The following LTF variants were observed in gnomAD, a reference collection of about 807,000 sequenced individuals.
The protein encoded by LTF is lactotransferrin, also known as epididymis luminal protein 110.
Under a neutral mutation model 87.2 loss-of-function variants are expected in LTF, and 91 were observed. The observed-to-expected ratio is 1.04, with a 90% CI of 0.88 to 1.24. LTF has a LOEUF of 1.24. Among genes scored for constraint, LTF ranks in the 50% most tolerant of loss-of-function variants. LTF has a pLI of 0.00. For synonymous variants in LTF, 378 were observed against 356.1 expected (o/e 1.06, Z -0.69); for missense variants, 901 against 904.3 (o/e 1.00, Z 0.05).
rs200628240 is a variant in LTF at position 46,450,672 on chromosome 3, C to A, written c.705G>T (p.Glu235Asp). 1.9e-4 allele frequency: 298 copies of A among 1,608,114 alleles called. No homozygotes were observed. Among genetic ancestry groups the A allele is most frequent in the Non-Finnish European group, 2.0e-4 (231 of 1,174,968 alleles). ...CCCTTTCAGCCTCGTCTGACAGGTC[C>A]TCTGCAGGGAAGGTGAGGTGGGAGG... ...VAFIRESTVF[E>D]DLSDEAERDE... is the part of the protein sequence containing the mutation. Residue 235 changes from glutamate (E) to aspartate (D), a missense_variant and splice_region_variant, in exon 7 of 17, where the codon GAG (glutamate) becomes GAT (aspartate). Physicochemically the swap from Glu to Asp is conservative, Grantham distance 45 (BLOSUM62 2). Coordinates refer to ENST00000231751, the MANE Select transcript of LTF (RefSeq NM_002343.6).
chr3:46,464,717 G>T (rs558916476), intron 1 of LTF, 108 bp downstream of exon 1: 2 of 1,232,302 alleles, frequency 1.6e-6, no homozygotes, highest in Non-Finnish European at 1.2e-6. Flanking sequence ...ACCGCGGGGC[G>T]CAGAGACCCC....
Position 46,435,879 on chromosome 3 carries a change from C to T in LTF, c.*316G>A. 5.0e-6 allele frequency: 2 copies of T among 400,746 alleles called. No individual in the cohort carries two copies. Among genetic ancestry groups the T allele is most frequent in the Non-Finnish European group, 9.2e-6 (2 of 216,658 alleles). 24.8% of individuals were successfully genotyped at this position (400,746 alleles called of 1,614,324 possible). On this transcript the variant is annotated 3_prime_UTR_variant, in exon 17 of 17. Coordinates refer to ENST00000231751, the MANE Select transcript of LTF (RefSeq NM_002343.6). ...AAATTCCAGACCCTTGGGCATCATA[C>T]CCAAGACTGCAAGAAAGAGGAGGGG...
intron 1 of LTF, among the ~76,000 whole-genome samples, chr3:46,483,303 C>T (rs561562110): frequency 4.6e-5 from 7 of 152,336 alleles, no homozygotes; most frequent in Admixed American, 3.3e-4. Context: ...CCTAGGTGTA[C>T]GCCCAGCAGA....
At chr3:46,473,912 A>G (rs1324266456) in intron 1 of LTF, among the ~76,000 whole-genome samples, 2 of 152,256 alleles carry the variant, frequency 1.3e-5, no homozygotes, top group Non-Finnish European at 2.9e-5. Flanking sequence ...GTGATAAATC[A>G]TGTGTGTACT....
At chr3:46,454,214 G>T in intron 6 of LTF, 91 bp downstream of exon 6, 1 of 1,113,544 alleles carries the variant, frequency 9.0e-7, no homozygotes, top group South Asian at 1.2e-5. Flanking sequence ...GGTCTGCCAT[G>T]AACTTAGGAA....
intron 6 of LTF, among the ~76,000 whole-genome samples, chr3:46,452,412 A>G (rs1702824472): frequency 6.6e-6 from 1 of 152,244 alleles, no homozygotes; most frequent in Non-Finnish European, 1.5e-5. Flanking sequence ...GGACAACTTA[A>G]TGTTATAAAT....
At chr3:46,482,803 GA>G (rs1703467776) in intron 1 of LTF, among the ~76,000 whole-genome samples, 2 of 47,644 alleles carry the variant, frequency 4.2e-5, no homozygotes, top group Non-Finnish European at 1.0e-4. Context: ...AAGAAGGAAG[GA>G]AAGAAAGAAA....
At chr3:46,437,269 G>A (rs1244384125) in intron 16 of LTF, among the ~76,000 whole-genome samples, 1 of 150,610 alleles carries the variant, frequency 6.6e-6, no homozygotes, top group Non-Finnish European at 1.5e-5. Flanking sequence ...GAATTTTTTT[G>A]AGATTTTGTT....
At chr3:46,452,183 G>A (rs1257336597) in intron 6 of LTF, among the ~76,000 whole-genome samples, 1 of 152,140 alleles carries the variant, frequency 6.6e-6, no homozygotes, top group Admixed American at 6.5e-5. Context: ...CAAGTTATAA[G>A]AGCAACCTAC....
In LTF at chr3:46,463,723, C is replaced by T. The variant is rs775631976; in HGVS notation, c.43+1102G>A. The T allele has an allele frequency of 6.6e-6, 6 of 909,088 alleles. No individual in the cohort carries two copies. In the East Asian group the frequency reaches 3.5e-4, roughly 53 times the overall value. The allele number at this position is 909,088 out of a possible 1,614,324, so 56.3% of individuals were successfully genotyped here. ...GCAAGGCTTCCTTCCTCTCCTGCCC[C>T]TCCCAGGTGGCCCTAACCCTGTGCA... On this transcript the variant is annotated intron_variant, in intron 1 of 16. Coordinates refer to ENST00000231751, the MANE Select transcript of LTF (RefSeq NM_002343.6).
At position 46,449,971 on chromosome 3, in the gene LTF, G is replaced by T. The variant is rs748669999; in HGVS notation, c.940C>A (p.Gln314Lys). The change falls in exon 8 of 17, where the codon CAG becomes AAG. Residue 314 changes from glutamine to lysine, a missense_variant. Physicochemically the swap from Gln to Lys is moderately conservative, Grantham distance 53. Coordinates refer to ENST00000231751, the MANE Select transcript of LTF (RefSeq NM_002343.6). The stretch of plus-strand genomic sequence containing the variant: ...GAGTCCTTGAACAGCAGATCTTTCT[G>T]CCCACTAGGGGAGCCAAAGAGCTGG... Reference protein sequence around the residue: ...KFQLFGSPSGQKDLLFKDSAI... With the variant: ...KFQLFGSPSGKKDLLFKDSAI... The T allele has an allele frequency of 5.6e-6, 9 of 1,613,982 alleles. No individual in the cohort carries two copies. The highest frequency in any genetic ancestry group is 7.6e-6 in the Non-Finnish European group (9 of 1,179,944).
intron 13 of LTF, 159 bp from the exon 14 acceptor site, chr3:46,441,642 A>G (rs1456562196): frequency 3.3e-6 from 2 of 605,950 alleles, no homozygotes; most frequent in Non-Finnish European, 5.9e-6. Flanking sequence ...CAGATTGAAC[A>G]CAGGTGTACC....
Position 46,436,123 on chromosome 3 carries a change from C to T in LTF, c.*72G>A. 1 of 1,480,408 alleles carries T rather than the reference C, an allele frequency of 6.8e-7. No homozygotes were observed. The highest frequency in any genetic ancestry group is 1.8e-4 in the Middle Eastern group (1 of 5,578). The allele number at this position is 1,480,408 out of a possible 1,614,324, so 91.7% of individuals were successfully genotyped here. A position where few individuals can be genotyped will look rare whatever the true frequency, so the allele number is the denominator to read the frequency against. ...AGCAGGGGAGGCCAAGGCCCCAACA[C>T]ACCTGGGGAGAAGAGCTGGGGGCAG... On this transcript the variant is annotated 3_prime_UTR_variant, in exon 17 of 17. Transcript: ENST00000231751.
chr3:46,482,490 G>T (rs1703445655), intron 1 of LTF, among the ~76,000 whole-genome samples: 1 of 2,104 alleles, frequency 4.8e-4, no homozygotes, highest in Non-Finnish European at 1.1e-3. Context: ...AGAAGGAAGG[G>T]AAGGGAAGGG....
intron 1 of LTF, among the ~76,000 whole-genome samples, chr3:46,473,911 C>T (rs1703324829): frequency 6.6e-6 from 1 of 152,196 alleles, no homozygotes; most frequent in African/African-American, 2.4e-5. Context: ...TGTGATAAAT[C>T]ATGTGTGTAC....
At chr3:46,450,744 C>T in intron 6 of LTF, 71 bp from the exon 7 acceptor site, 3 of 1,301,556 alleles carry the variant, frequency 2.3e-6, no homozygotes, top group South Asian at 2.6e-5. Flanking sequence ...CTATAGTTCC[C>T]CTTCTCCCTA....
At chr3:46,446,914 G>T (rs1334319375) in intron 10 of LTF, among the ~76,000 whole-genome samples, 1 of 152,220 alleles carries the variant, frequency 6.6e-6, no homozygotes, top group Non-Finnish European at 1.5e-5. Context: ...AGCCAGGAGA[G>T]AGGCTTCCCT....
intron 1 of LTF, among the ~76,000 whole-genome samples, chr3:46,472,107 C>G (rs1370271919): frequency 6.6e-6 from 1 of 152,148 alleles, no homozygotes; most frequent in Non-Finnish European, 1.5e-5. Flanking sequence ...TTCTCCCTCC[C>G]AGCTCTAGAT....
At chr3:46,447,894 C>T (rs191346207) in intron 9 of LTF, among the ~76,000 whole-genome samples, 2 of 152,266 alleles carry the variant, frequency 1.3e-5, no homozygotes, top group Admixed American at 1.3e-4. Context: ...GAAACTTCCT[C>T]TTTGACCCAG....
Sources: allele counts gnomAD v4.1 joint callset (sites outside exome capture counted in the v4.1 genomes callset), GRCh38; gene constraint gnomAD v4.1.1; transcripts MANE v1.5; gene names NCBI Gene and HGNC (gene_info 2026-07-23, HGNC 2026-07-21).